The following GSTM5 variants were observed in gnomAD, a reference collection of about 807,000 sequenced individuals.
The protein encoded by GSTM5 is glutathione S-transferase mu 5.
GSTM5 carries 24 observed loss-of-function variants against 29.0 expected under a neutral mutation model. That is an observed-to-expected ratio of 0.83 (90% confidence interval 0.60 to 1.16). The LOEUF (loss-of-function observed/expected upper bound fraction) is 1.16. Ranked by LOEUF, GSTM5 falls within the 50% of genes most tolerant of loss-of-function variation. The pLI is 0.00. For missense variants in GSTM5, 290 were observed against 263.0 expected (o/e 1.10, Z -0.71); for synonymous variants, 91 against 93.6 (o/e 0.97, Z 0.16).
intron 7 of GSTM5, 46 bp from the exon 8 acceptor site, chr1:109,717,291 C>T (rs1315367409): frequency 1.4e-6 from 2 of 1,469,920 alleles, no homozygotes; most frequent in African/African-American, 1.4e-5. Flanking sequence ...TACTTGAGCC[C>T]TTCTAGACAG....
chr1:109,713,815 C>T, intron 5 of GSTM5, 54 bp downstream of exon 5: 1 of 1,511,752 alleles, frequency 6.6e-7, no homozygotes, highest in African/African-American at 1.4e-5. Flanking sequence ...TTGGCCCAGA[C>T]CAGGGAGGGA....
At position 109,717,605 on chromosome 1, in the gene GSTM5, T is replaced by C; in HGVS notation, c.*179T>C. On this transcript the variant is annotated 3_prime_UTR_variant, in exon 8 of 8. Coordinates refer to ENST00000256593, the MANE Select transcript of GSTM5 (RefSeq NM_000851.4). Reference sequence around the variant, plus strand: ...ATCATCCCTCCCCGCATCGAGGCTCTTTAAAGCTTCAGCTCCCCACTGTCC... The same window carrying C: ...ATCATCCCTCCCCGCATCGAGGCTCCTTAAAGCTTCAGCTCCCCACTGTCC... 1 of 559,500 alleles carries C rather than the reference T, an allele frequency of 1.8e-6. No individual in the cohort carries two copies. Among genetic ancestry groups the C allele is most frequent in the Non-Finnish European group, 3.2e-6 (1 of 309,186 alleles). 34.7% of individuals were successfully genotyped at this position (559,500 alleles called of 1,614,324 possible). A position where few individuals can be genotyped will look rare whatever the true frequency, so the allele number is the denominator to read the frequency against.
intron 5 of GSTM5, 123 bp from the exon 6 acceptor site, chr1:109,714,824 T>C: frequency 1.1e-6 from 1 of 881,820 alleles, no homozygotes. Flanking sequence ...ACTGCCCCGG[T>C]TTTAGTTGTG....
Position 109,715,549 on chromosome 1 carries a change from T to C in GSTM5, c.567+309T>C, listed in dbSNP as rs894691665. On this transcript the variant is annotated intron_variant, in intron 7 of 7. Transcript: ENST00000256593. ...GGCTCCCTGTGAGCCTCTGGATCTA[T>C]GGGTGGCAGTCAGGGCTCTCCCATT... 12 of 1,400,480 alleles carry C rather than the reference T, an allele frequency of 8.6e-6. No homozygotes were observed. The African/African-American group carries it at 1.3e-4, about 15-fold the overall frequency. The allele number at this position is 1,400,480 out of a possible 1,614,324, so 86.8% of individuals were successfully genotyped here.
chr1:109,713,501 T>C lies in GSTM5; in HGVS notation c.195T>C (p.Asp65=), dbSNP rs1648637645. Residue 65 remains aspartate, a synonymous_variant, in exon 4 of 8, where the codon GAT becomes GAC. Coordinates refer to ENST00000256593, the MANE Select transcript of GSTM5 (RefSeq NM_000851.4). ...CTATCCAGCTGCCCTACTTGATTGATGGGGCTCACAAGATCACCCAGAGCA... is the reference window on the plus strand; with the variant it reads ...CTATCCAGCTGCCCTACTTGATTGACGGGGCTCACAAGATCACCCAGAGCA... ...LDFPNLPYLI[D]GAHKITQSNA... is the part of the protein sequence containing the mutation. 2 of 1,614,104 alleles carry C rather than the reference T, an allele frequency of 1.2e-6. No individual in the cohort carries two copies. The highest frequency in any genetic ancestry group is 1.7e-6 in the Non-Finnish European group (2 of 1,180,054).
At chr1:109,715,696 G>C (rs1373323973) in intron 7 of GSTM5, 4 of 484,806 alleles carry the variant, frequency 8.3e-6, no homozygotes, top group Non-Finnish European at 1.5e-5. Context: ...CTGACACACA[G>C]TGGCATTGAT....
chr1:109,713,264 T>G, intron 3 of GSTM5, 81 bp downstream of exon 3: 8 of 1,598,096 alleles, frequency 5.0e-6, no homozygotes, highest in Non-Finnish European at 5.1e-6. Context: ...CTTAGAGGTG[T>G]TAAGATCAGG....
Position 109,715,250 on chromosome 1 carries a change from C to A in GSTM5, c.567+10C>A. 1 of 1,614,218 alleles carries A rather than the reference C, an allele frequency of 6.2e-7. No homozygotes were observed. The highest frequency in any genetic ancestry group is 8.5e-7 in the Non-Finnish European group (1 of 1,180,040). On this transcript the variant is annotated intron_variant, in intron 7 of 7. Transcript: ENST00000256593. ...CATCTCCCGCTTTGAGGTGATGCCC[C>A]CATCCTCCTTTCTCTTTGATGCCCC...
At position 109,712,621 on chromosome 1, in the gene GSTM5, G is replaced by A. The variant is rs761418660; in HGVS notation, c.40G>A (p.Ala14Thr). Residue 14 changes from alanine (A) to threonine (T), a missense_variant, in exon 2 of 8, where the codon GCC (alanine) becomes ACC (threonine). Ala to Thr is a moderately conservative substitution (Grantham distance 58). Transcript: ENST00000256593. ...TLGYWDIRGLAHAIRLLLEYT... is the reference protein window; with the variant it reads ...TLGYWDIRGLTHAIRLLLEYT... ...AGCCGCGGGCCATCTCTCCCAGCTG[G>A]CCCACGCCATCCGCTTGCTCCTGGA... is the stretch of plus-strand genomic sequence containing the variant. 3 of 1,614,142 alleles carry A rather than the reference G, an allele frequency of 1.9e-6. No individual in the cohort carries two copies. Among genetic ancestry groups the A allele is most frequent in the South Asian group, 2.2e-5 (2 of 91,078 alleles).
intron 6 of GSTM5, 30 bp downstream of exon 6, chr1:109,715,072 T>C (rs1648696275): frequency 6.2e-7 from 1 of 1,614,012 alleles, no homozygotes; most frequent in Non-Finnish European, 8.5e-7. Flanking sequence ...GGGAATGAGA[T>C]CTGTTTTACT....
In GSTM5 at chr1:109,712,713, CG is replaced by C. The variant is rs767260317; in HGVS notation, c.112+23del. 6.2e-7 allele frequency: 1 copy of C among 1,613,540 alleles called. No homozygotes were observed. On this transcript the variant is annotated intron_variant, in intron 2 of 7. Transcript: ENST00000256593. ...GGGACGGTAATGGCACCCTCGTGTC[CG>C]GGCCCTGCCCACTCACGCTGAGTTG... is the stretch of plus-strand genomic sequence containing the variant.
At chr1:109,712,381 G>A in intron 1 of GSTM5, 33 bp downstream of exon 1, 3 of 1,608,974 alleles carry the variant, frequency 1.9e-6, no homozygotes, top group African/African-American at 1.3e-5. Flanking sequence ...GTGGGACAGG[G>A]GGCGGAGGCG....
In GSTM5 at chr1:109,712,845, C is replaced by T. The variant is rs1648606949; in HGVS notation, c.112+152C>T. On this transcript the variant is annotated intron_variant, in intron 2 of 7. Transcript: ENST00000256593. ...AGCTCCCGTGAGTGAGCCCTCTGGC[C>T]TTGCAAGGCAGAATGCTGGGGCGGG... is the stretch of plus-strand genomic sequence containing the variant. 4.1e-6 allele frequency: 4 copies of T among 976,516 alleles called. No homozygotes were observed. The African/African-American group carries it at 4.8e-5, about 12-fold the overall frequency. 60.5% of individuals were successfully genotyped at this position (976,516 alleles called of 1,614,324 possible). A position where few individuals can be genotyped will look rare whatever the true frequency, so the allele number is the denominator to read the frequency against.
At position 109,715,175 on chromosome 1, in the gene GSTM5, C is replaced by T. The variant is rs761981861; in HGVS notation, c.502C>T (p.Arg168Cys). ...TGCCTATGATGTCCTTGACATGAAG[C>T]GTATATTTGAGCCCAAGTGCTTGGA... is the stretch of plus-strand genomic sequence containing the variant. ...FLAYDVLDMK[R>C]IFEPKCLDAF... is the part of the protein sequence containing the mutation. Residue 168 changes from arginine (R) to cysteine (C), a missense_variant, in exon 7 of 8, where the codon CGT becomes TGT. By Grantham distance (180) the Arg-to-Cys change is radical. Coordinates refer to ENST00000256593, the MANE Select transcript of GSTM5 (RefSeq NM_000851.4). 63 of 1,614,070 alleles carry T rather than the reference C, an allele frequency of 3.9e-5. 2 individuals carry two copies. In the East Asian group the frequency reaches 1.0e-3, roughly 27 times the overall value.
intron 3 of GSTM5, 94 bp from the exon 4 acceptor site, chr1:109,713,390 A>G (rs1648632437): frequency 3.9e-6 from 6 of 1,548,182 alleles, no homozygotes; most frequent in Non-Finnish European, 5.4e-6. Context: ...TGCCATGAGC[A>G]GGCCCTGGTC....
At chr1:109,712,206 C>G (rs1648540532), upstream of GSTM5, 1 of 1,229,262 alleles carries the variant, frequency 8.1e-7, no homozygotes, top group East Asian at 2.3e-5. Flanking sequence ...TGTGGCGGGC[C>G]GAGGGGCGGG....
At position 109,713,493 on chromosome 1, in the gene GSTM5, T is replaced by A. The variant is rs758824699; in HGVS notation, c.187T>A (p.Leu63Met). 1.2e-6 allele frequency: 2 copies of A among 1,614,230 alleles called. No homozygotes were observed. Among genetic ancestry groups the A allele is most frequent in the South Asian group, 2.2e-5 (2 of 91,090 alleles). Residue 63 changes from leucine (L) to methionine (M), a missense_variant, in exon 4 of 8, where the codon TTG becomes ATG. Leu to Met is a conservative substitution (Grantham distance 15). Coordinates refer to ENST00000256593, the MANE Select transcript of GSTM5 (RefSeq NM_000851.4). The stretch of plus-strand genomic sequence containing the variant: ...TTTCCCATCTATCCAGCTGCCCTAC[T>A]TGATTGATGGGGCTCACAAGATCAC... Reference protein sequence around the residue: ...LGLDFPNLPYLIDGAHKITQS... With the variant: ...LGLDFPNLPYMIDGAHKITQS...
In GSTM5 at chr1:109,712,602, G is replaced by A; in HGVS notation, c.37-16G>A. 2 of 1,613,786 alleles carry A rather than the reference G, an allele frequency of 1.2e-6. No homozygotes were observed. The highest frequency in any genetic ancestry group is 1.3e-5 in the African/African-American group (1 of 74,998). ...ACCCTCCATCTCTGACCCGAGCCGC[G>A]GGCCATCTCTCCCAGCTGGCCCACG... On this transcript the variant is annotated splice_polypyrimidine_tract_variant and intron_variant, in intron 1 of 7. Coordinates refer to ENST00000256593, the MANE Select transcript of GSTM5 (RefSeq NM_000851.4).
At chr1:109,712,237 G>A, upstream of GSTM5, 1 of 1,510,410 alleles carries the variant, frequency 6.6e-7, no homozygotes. Context: ...GGCCCCGCCT[G>A]TCCCCTCCTG....
Sources: gnomAD v4.1 joint callset for allele counts on GRCh38, gnomAD v4.1.1 for gene constraint, MANE v1.5 for transcripts, NCBI Gene and HGNC (gene_info 2026-07-23, HGNC 2026-07-21) for gene names.